Variants in GALNT2 observed in about 807,000 individuals in gnomAD.
The protein encoded by GALNT2 is UDP-GalNAc:polypeptide N-acetylgalactosaminyltransferase 2.
GALNT2 carries 31 observed loss-of-function variants against 81.4 expected under a neutral mutation model. The ratio of observed to expected loss-of-function variants is 0.38; its 90% confidence interval spans 0.29 to 0.51. GALNT2 has a LOEUF of 0.51. GALNT2 is among the 20% of genes least tolerant of loss of function. GALNT2 has a pLI of 0.87. For missense variants in GALNT2, 629 were observed against 765.7 expected (o/e 0.82, Z 2.11); for synonymous variants, 303 against 287.4 (o/e 1.05, Z -0.55).
chr1:230,142,093 G>A (rs969647656), intron 1 of GALNT2, among the ~76,000 whole-genome samples: 26 of 151,970 alleles, frequency 1.7e-4, no homozygotes, highest in Admixed American at 6.6e-4. Flanking sequence ...ACCCCTGGCC[G>A]AGACCTTGCC....
rs193019381 is a variant in GALNT2 at position 230,178,661 on chromosome 1, G to T, written c.220+350G>T. On this transcript the variant is annotated intron_variant, in intron 2 of 15. Transcript: ENST00000366672. ...TGAGGGGAAGGTACAGAGAATTCCT[G>T]TATACCTCCTGCACCCCCACCCCCA... Among the ~76,000 whole-genome samples the T allele has an allele frequency of 1.3e-3, 202 of 152,218 alleles. 2 individuals carry two copies. Among genetic ancestry groups the T allele is most frequent in the Non-Finnish European group, 2.1e-3 (145 of 68,030 alleles).
intron 1 of GALNT2, among the ~76,000 whole-genome samples, chr1:230,133,558 A>G (rs1054547534): frequency 6.6e-6 from 1 of 151,826 alleles, no homozygotes; most frequent in Non-Finnish European, 1.5e-5. Context: ...GGTTCAAGCA[A>G]TTCTCCTGCC....
chr1:230,139,410 C>T (rs1205268949), intron 1 of GALNT2, among the ~76,000 whole-genome samples: 1 of 152,186 alleles, frequency 6.6e-6, no homozygotes, highest in Non-Finnish European at 1.5e-5. Flanking sequence ...CACACCAAGA[C>T]CCCTCTTCTA....
intron 3 of GALNT2, among the ~76,000 whole-genome samples, chr1:230,219,422 T>C (rs1372609903): frequency 6.6e-6 from 1 of 151,990 alleles, no homozygotes; most frequent in South Asian, 2.1e-4. Context: ...CAAGTGGCCT[T>C]GGTGGCTTTC....
rs746006005 is a variant in GALNT2, at chr1:230,203,186, G to A, written c.270G>A (p.Thr90=). The change falls in exon 3 of 16, where the codon ACG becomes ACA. Residue 90 remains threonine (T), a synonymous_variant. Transcript: ENST00000366672. ...ACCAGGAAGCTTATGTTGGAGGGAC[G>A]ATGGTCCGCTCCGGGCAGGACCCTT... is the stretch of plus-strand genomic sequence containing the variant. ...DFNQEAYVGG[T]MVRSGQDPYA... 4 of 1,614,142 alleles carry A rather than the reference G, an allele frequency of 2.5e-6. No homozygotes were observed. Among genetic ancestry groups the A allele is most frequent in the East Asian group, 2.2e-5 (1 of 44,878 alleles).
chr1:230,225,790 C>A (rs1664692156), intron 3 of GALNT2, among the ~76,000 whole-genome samples: 1 of 151,098 alleles, frequency 6.6e-6, no homozygotes, highest in African/African-American at 2.4e-5. Context: ...AGAACTGTTT[C>A]ACTAATAACA....
At chr1:230,118,019 C>G (rs1052819847) in intron 1 of GALNT2, among the ~76,000 whole-genome samples, 1 of 152,228 alleles carries the variant, frequency 6.6e-6, no homozygotes, top group Non-Finnish European at 1.5e-5. Context: ...TCATCCCTCC[C>G]AACCCCGATA....
chr1:230,071,188 G>A (rs1659359526), intron 1 of GALNT2, among the ~76,000 whole-genome samples: 1 of 152,182 alleles, frequency 6.6e-6, no homozygotes, highest in Non-Finnish European at 1.5e-5. Flanking sequence ...TTGATTTCTG[G>A]AAAATAGTCG....
Position 230,135,473 on chromosome 1 carries a change from C to T in GALNT2, c.127-42745C>T, listed in dbSNP as rs11122380. On this transcript the variant is annotated intron_variant, in intron 1 of 15. Coordinates refer to ENST00000366672, the MANE Select transcript of GALNT2 (RefSeq NM_004481.5). ...TCTGAGGTGCTTTTTACTTTTCTTT[C>T]GGTGAATTGTCAGGCATGAGCCACA... Among the ~76,000 whole-genome samples, 960 of 152,282 alleles carry T rather than the reference C, an allele frequency of 6.3e-3. 14 individuals carry two copies. Among genetic ancestry groups the T allele is most frequent in the African/African-American group, 0.021 (891 of 41,542 alleles).
At chr1:230,131,165 T>C (rs953088826) in intron 1 of GALNT2, among the ~76,000 whole-genome samples, 2 of 152,108 alleles carry the variant, frequency 1.3e-5, no homozygotes, top group African/African-American at 2.4e-5. Context: ...CATATGTCCC[T>C]GAGTCGTTTT....
Position 230,193,508 on chromosome 1 carries a change from T to C in GALNT2, c.221-9629T>C, listed in dbSNP as rs1241138518. Among the ~76,000 whole-genome samples, 1 of 152,074 alleles carries C rather than the reference T, an allele frequency of 6.6e-6. No individual in the cohort carries two copies. Among genetic ancestry groups the C allele is most frequent in the Non-Finnish European group, 1.5e-5 (1 of 68,004 alleles). On this transcript the variant is annotated intron_variant, in intron 2 of 15. Coordinates refer to ENST00000366672, the MANE Select transcript of GALNT2 (RefSeq NM_004481.5). This position sits in a 1 kb window ranked among gnomAD's most constrained non-coding sequence, Gnocchi z 4.3. ...GCGCCTCTCTGTGCTGGGGTGTGCG[T>C]GCGCCTCTGTGTGCTGGGGTCTTCA...
At chr1:230,217,474 G>T (rs1664425536) in intron 3 of GALNT2, among the ~76,000 whole-genome samples, 1 of 152,076 alleles carries the variant, frequency 6.6e-6, no homozygotes, top group Non-Finnish European at 1.5e-5. Context: ...AAGAGGTGAG[G>T]TCTGAGAGGA....
intron 4 of GALNT2, 53 bp from the exon 5 acceptor site, chr1:230,236,300 A>G: frequency 6.4e-7 from 1 of 1,568,996 alleles, no homozygotes; most frequent in Non-Finnish European, 8.8e-7. Flanking sequence ...CCCCAGGCTA[A>G]AAGTTTATAC....
intron 2 of GALNT2, among the ~76,000 whole-genome samples, chr1:230,198,606 A>C (rs1367193446): frequency 6.6e-6 from 1 of 152,172 alleles, no homozygotes. Context: ...CTGTGGGACC[A>C]CCTGAGGGTT....
chr1:230,216,183 A>G (rs1664385373), intron 3 of GALNT2, among the ~76,000 whole-genome samples: 1 of 152,208 alleles, frequency 6.6e-6, no homozygotes, highest in Non-Finnish European at 1.5e-5. Context: ...AAAACCCATC[A>G]CTTTGCCCCC....
intron 2 of GALNT2, among the ~76,000 whole-genome samples, chr1:230,181,864 G>C (rs1345955785): frequency 1.3e-5 from 2 of 152,154 alleles, no homozygotes; most frequent in Non-Finnish European, 2.9e-5. Flanking sequence ...AACACACCTA[G>C]GCCAGGTGCT....
At chr1:230,206,011 T>G (rs1664047752) in intron 3 of GALNT2, among the ~76,000 whole-genome samples, 2 of 152,158 alleles carry the variant, frequency 1.3e-5, no homozygotes, top group Non-Finnish European at 2.9e-5. Context: ...GGGAATAAAG[T>G]CTAGCAGAAT....
At position 230,142,727 on chromosome 1, in the gene GALNT2, G is replaced by A. The variant is rs539332018; in HGVS notation, c.127-35491G>A. ...TTGCCTGCTCTGTTCACCTAAGTTC[G>A]CATGCTCATTTGCTGAATGCTGTCT... On this transcript the variant is annotated intron_variant, in intron 1 of 15. Coordinates refer to ENST00000366672, the MANE Select transcript of GALNT2 (RefSeq NM_004481.5). Among the ~76,000 whole-genome samples, 13 of 152,284 alleles carry A rather than the reference G, an allele frequency of 8.5e-5. No homozygotes were observed. The East Asian group carries it at 2.1e-3, about 25-fold the overall frequency.
At chr1:230,199,864 A>T (rs996119901) in intron 2 of GALNT2, among the ~76,000 whole-genome samples, 6 of 152,030 alleles carry the variant, frequency 3.9e-5, no homozygotes, top group Non-Finnish European at 5.9e-5. Context: ...ATTTTTGTGA[A>T]GTTTCAAGGG....
Sources: gnomAD v4.1 joint callset for allele counts (sites outside exome capture counted in the v4.1 genomes callset) on GRCh38, gnomAD v4.1.1 for gene constraint, Gnocchi (gnomAD v3.1) non-coding constraint, MANE v1.5 for transcripts, NCBI Gene and HGNC (gene_info 2026-07-23, HGNC 2026-07-21) for gene names.